The following EIF4G3 variants were observed in gnomAD, a reference collection of about 807,000 sequenced individuals.
EIF4G3 encodes eIF-4-gamma 3.
Under a neutral mutation model 186.4 loss-of-function variants are expected in EIF4G3, and 34 were observed. The ratio of observed to expected loss-of-function variants is 0.18; its 90% CI spans 0.14 to 0.24. The LOEUF (loss-of-function observed/expected upper bound fraction) is 0.24. EIF4G3 is among the 10% of genes least tolerant of loss of function. EIF4G3 has a pLI of 1.00. For missense variants in EIF4G3, 1,536 were observed against 1,948.5 expected (o/e 0.79, Z 3.99); for synonymous variants, 673 against 679.5 (o/e 0.99, Z 0.15).
intron 34 of EIF4G3, among the ~76,000 whole-genome samples, chr1:20,817,051 C>T (rs993893575): frequency 2.9e-5 from 4 of 139,434 alleles, no homozygotes; most frequent in African/African-American, 1.1e-4. Context: ...GCAGCATGCT[C>T]GTTAAGAGTC....
At chr1:21,043,438 C>T (rs1356954510) in intron 4 of EIF4G3, among the ~76,000 whole-genome samples, 1 of 152,182 alleles carries the variant, frequency 6.6e-6, no homozygotes, top group Non-Finnish European at 1.5e-5. Context: ...TTGTACTTAA[C>T]CATCACTCTT....
intron 2 of EIF4G3, among the ~76,000 whole-genome samples, chr1:21,174,550 C>T (rs1045598920): frequency 3.3e-5 from 5 of 152,064 alleles, no homozygotes; most frequent in Admixed American, 1.3e-4. Context: ...AAGTCCTAAC[C>T]GAGTATAGGC....
intron 14 of EIF4G3, among the ~76,000 whole-genome samples, chr1:20,939,283 C>A (rs2095625582): frequency 2.6e-5 from 4 of 152,048 alleles, no homozygotes; most frequent in Admixed American, 1.3e-4. Flanking sequence ...AACTTTACCT[C>A]CCAACATCAC....
chr1:21,023,233 CCCCCT>C (rs2091191542), intron 4 of EIF4G3, among the ~76,000 whole-genome samples: 2 of 34,482 alleles, frequency 5.8e-5, no homozygotes, highest in African/African-American at 7.8e-5. Flanking sequence ...CCCTCTCCCT[CCCCCT>C]CCCCTCCCCC....
chr1:21,054,332 C>CGGAAGGCT (rs1306546845), intron 3 of EIF4G3, among the ~76,000 whole-genome samples: 1 of 97,968 alleles, frequency 1.0e-5, no homozygotes, highest in African/African-American at 3.3e-5. Flanking sequence ...ACAAACACTG[C>CGGAAGGCT]GGAAGGCCGC....
At chr1:21,058,551 G>A (rs1378915859) in intron 3 of EIF4G3, among the ~76,000 whole-genome samples, 1 of 150,900 alleles carries the variant, frequency 6.6e-6, no homozygotes, top group Non-Finnish European at 1.5e-5. Flanking sequence ...TAATGAAATC[G>A]GGTCTCACTG....
At chr1:20,811,950 T>C (rs185843145) in intron 35 of EIF4G3, among the ~76,000 whole-genome samples, 113 of 152,302 alleles carry the variant, frequency 7.4e-4, no homozygotes, top group African/African-American at 2.4e-3. Context: ...ATTTTGTTAT[T>C]ACTAGGATAA....
At chr1:21,058,614 T>A (rs943846563) in intron 3 of EIF4G3, among the ~76,000 whole-genome samples, 1 of 149,794 alleles carries the variant, frequency 6.7e-6, no homozygotes, top group Non-Finnish European at 1.5e-5. Flanking sequence ...GCAGCCTCCA[T>A]CTCCCAGGCT....
intron 4 of EIF4G3, among the ~76,000 whole-genome samples, chr1:21,005,995 T>C (rs973974884): frequency 2.6e-5 from 4 of 152,212 alleles, no homozygotes; most frequent in Non-Finnish European, 4.4e-5. Context: ...TCTGTCACAA[T>C]GTATGCCATT....
Position 20,817,526 on chromosome 1 carries a change from T to A in EIF4G3, c.4381A>T (p.Ile1461Leu), listed in dbSNP as rs773772573. 2 of 1,592,112 alleles carry A rather than the reference T, an allele frequency of 1.3e-6. No individual in the cohort carries two copies. The highest frequency in any genetic ancestry group is 2.3e-5 in the South Asian group (2 of 86,840). ...NFLLEQKLDF[I>L]ESDSPCSSEA... is the part of the protein sequence containing the mutation. ...GAGGAACAGGGACTGTCAGACTCTA[T>A]GAAGTCCAACTTCTGAAACATAAAA... The change falls in exon 34 of 37, where the codon ATA (isoleucine) becomes TTA (leucine). Residue 1461 changes from isoleucine (I) to leucine (L), a missense_variant. Physicochemically the swap from Ile to Leu is conservative, Grantham distance 5. Transcript: ENST00000602326.
At chr1:20,949,685 T>C (rs2096121183) in intron 13 of EIF4G3, among the ~76,000 whole-genome samples, 1 of 152,218 alleles carries the variant, frequency 6.6e-6, no homozygotes, top group Non-Finnish European at 1.5e-5. Flanking sequence ...GTATTGTTCT[T>C]GTAAAGTAAT....
chr1:20,930,820 C>G (rs986924472), intron 14 of EIF4G3, among the ~76,000 whole-genome samples: 3 of 152,148 alleles, frequency 2.0e-5, no homozygotes, highest in African/African-American at 7.2e-5. Context: ...CTTCCAAATG[C>G]TTATTAATGT....
chr1:20,868,322 C>T (rs1475042878), intron 20 of EIF4G3, among the ~76,000 whole-genome samples: 2 of 151,910 alleles, frequency 1.3e-5, no homozygotes, highest in East Asian at 1.9e-4. Context: ...CTGCGAAGTC[C>T]AAAATCAATG....
chr1:21,102,302 T>A (rs1572579121), intron 2 of EIF4G3, among the ~76,000 whole-genome samples: 2 of 152,116 alleles, frequency 1.3e-5, no homozygotes, highest in South Asian at 2.1e-4. Flanking sequence ...AATACAAAAA[T>A]TATTTATAAA....
intron 14 of EIF4G3, among the ~76,000 whole-genome samples, chr1:20,929,103 ATT>A (rs923265139): frequency 2.6e-5 from 4 of 152,162 alleles, no homozygotes; most frequent in Non-Finnish European, 5.9e-5. Context: ...TATATATCAC[ATT>A]TTGTTTATTC....
intron 14 of EIF4G3, among the ~76,000 whole-genome samples, chr1:20,920,464 T>C (rs1265729238): frequency 6.6e-6 from 1 of 152,178 alleles, no homozygotes; most frequent in Non-Finnish European, 1.5e-5. Context: ...ACATTATGAC[T>C]GGTGGTTGGA....
At chr1:20,844,818 G>GCAA (rs1435419152) in intron 29 of EIF4G3, among the ~76,000 whole-genome samples, 2 of 151,952 alleles carry the variant, frequency 1.3e-5, no homozygotes, top group African/African-American at 4.8e-5. Context: ...GGCGACAAGA[G>GCAA]CAACACTCCA....
chr1:21,105,725 G>C (rs1422142954), intron 2 of EIF4G3, among the ~76,000 whole-genome samples: 2 of 152,108 alleles, frequency 1.3e-5, no homozygotes, highest in Admixed American at 1.3e-4. Context: ...AGGAAGGTAG[G>C]CATCTGGGGT....
chr1:20,834,800 C>G (rs571288365), intron 30 of EIF4G3, among the ~76,000 whole-genome samples: 1 of 152,118 alleles, frequency 6.6e-6, no homozygotes, highest in Admixed American at 6.5e-5. Context: ...GACCTCAATA[C>G]CCTTCTTTAG....
Sources: allele counts gnomAD v4.1 joint callset (sites outside exome capture counted in the v4.1 genomes callset), GRCh38; gene constraint gnomAD v4.1.1; transcripts MANE v1.5; gene names NCBI Gene and HGNC (gene_info 2026-07-23, HGNC 2026-07-21).